Variants in ST6GALNAC3 observed in about 807,000 individuals in gnomAD.
ST6GALNAC3 encodes ST6 N-acetylgalactosaminide alpha-2,6-sialyltransferase 3, also known as alpha-N-acetylgalactosaminide alpha-2,6-sialyltransferase 3.
Under a neutral mutation model 32.7 loss-of-function variants are expected in ST6GALNAC3, and 25 were observed. The observed-to-expected ratio is 0.76, with a 90% confidence interval of 0.56 to 1.07. The LOEUF is 1.07. Ranked by LOEUF, ST6GALNAC3 falls within the 50% of genes least tolerant of loss-of-function variation. ST6GALNAC3 has a pLI of 0.00. For synonymous variants in ST6GALNAC3, 129 were observed against 133.1 expected (o/e 0.97, Z 0.21); for missense variants, 355 against 382.4 (o/e 0.93, Z 0.60).
chr1:76,165,559 T>C (rs1352106550), intron 1 of ST6GALNAC3, among the ~76,000 whole-genome samples: 1 of 152,204 alleles, frequency 6.6e-6, no homozygotes, highest in African/African-American at 2.4e-5. Context: ...CTAGGTCAAA[T>C]GGTATTTCTG....
rs962718582 is a variant in ST6GALNAC3 at position 76,260,437 on chromosome 1, A to G, written c.19-53368A>G. Among the ~76,000 whole-genome samples, 6 of 152,184 alleles carry G rather than the reference A, an allele frequency of 3.9e-5. No homozygotes were observed. The East Asian group carries it at 1.2e-3, about 29-fold the overall frequency. ...TAAAGTAATAGTCCCCAGTTATTGAACACTTGCTATGTACAGGGTACTGTG... is the reference window on the plus strand; with the variant it reads ...TAAAGTAATAGTCCCCAGTTATTGAGCACTTGCTATGTACAGGGTACTGTG... On this transcript the variant is annotated intron_variant, in intron 1 of 4. Coordinates refer to ENST00000328299, the MANE Select transcript of ST6GALNAC3 (RefSeq NM_152996.4).
chr1:76,251,145 C>G (rs997349854), intron 1 of ST6GALNAC3, among the ~76,000 whole-genome samples: 8 of 152,086 alleles, frequency 5.3e-5, no homozygotes, highest in African/African-American at 1.9e-4. Flanking sequence ...CTCCTCTGAT[C>G]ATGGCTAAAC....
chr1:76,574,410 A>G (rs1022638932), intron 3 of ST6GALNAC3, among the ~76,000 whole-genome samples: 9 of 152,018 alleles, frequency 5.9e-5, no homozygotes, highest in African/African-American at 2.2e-4. Flanking sequence ...TAAATGGTCT[A>G]CCTTCTCTAT....
At chr1:76,186,870 C>G (rs1026206169) in intron 1 of ST6GALNAC3, among the ~76,000 whole-genome samples, 5 of 152,134 alleles carry the variant, frequency 3.3e-5, no homozygotes, top group African/African-American at 9.7e-5. Context: ...TATTTAGGTT[C>G]TAAATTACCC....
At chr1:76,350,323 A>G (rs1648872632) in intron 2 of ST6GALNAC3, among the ~76,000 whole-genome samples, 1 of 152,170 alleles carries the variant, frequency 6.6e-6, no homozygotes, top group Non-Finnish European at 1.5e-5. Context: ...CACTGTCCCT[A>G]GCACAAAATC....
chr1:76,276,237 C>T (rs543722645), intron 1 of ST6GALNAC3, among the ~76,000 whole-genome samples: 4 of 151,422 alleles, frequency 2.6e-5, no homozygotes, highest in South Asian at 2.1e-4. Flanking sequence ...AAATATAATG[C>T]GATTTCATAG....
At chr1:76,269,455 A>AT (rs887940583) in intron 1 of ST6GALNAC3, among the ~76,000 whole-genome samples, 33 of 152,276 alleles carry the variant, frequency 2.2e-4, no homozygotes, top group Middle Eastern at 3.4e-3. Flanking sequence ...AAATTTTCAG[A>AT]TTTTTCAAGA....
At chr1:76,463,087 A>C (rs1232070909) in intron 3 of ST6GALNAC3, among the ~76,000 whole-genome samples, 1 of 152,200 alleles carries the variant, frequency 6.6e-6, no homozygotes, top group African/African-American at 2.4e-5. Flanking sequence ...ATCCCAGTGC[A>C]ATTATTTTAA....
intron 1 of ST6GALNAC3, among the ~76,000 whole-genome samples, chr1:76,232,824 G>A (rs993678531): frequency 2.0e-5 from 3 of 152,198 alleles, no homozygotes; most frequent in Non-Finnish European, 4.4e-5. Context: ...TGCAGGAGCC[G>A]GTCAAGTAGA....
At chr1:76,441,555 G>T (rs2101508473) in intron 3 of ST6GALNAC3, among the ~76,000 whole-genome samples, 1 of 152,278 alleles carries the variant, frequency 6.6e-6, no homozygotes, top group South Asian at 2.1e-4. Context: ...GGCATGCAAT[G>T]TAACGTAATT....
chr1:76,166,940 G>T (rs1362263694), intron 1 of ST6GALNAC3, among the ~76,000 whole-genome samples: 1 of 152,036 alleles, frequency 6.6e-6, no homozygotes. Flanking sequence ...GGATCATCTT[G>T]TCTACAAACA....
chr1:76,307,909 C>A (rs1661160508), intron 1 of ST6GALNAC3: 1 of 515,884 alleles, frequency 1.9e-6, no homozygotes, highest in Non-Finnish European at 3.9e-6. Flanking sequence ...CCTATGAAGT[C>A]TGATAAATGA....
chr1:76,629,623 C>T lies in ST6GALNAC3; in HGVS notation c.*817C>T. On this transcript the variant is annotated 3_prime_UTR_variant, in exon 5 of 5. Transcript: ENST00000328299. ...TACTTAACATGTAAGATACCAACTT[C>T]AACACTGTAATAACATATACTGTGA... The T allele has an allele frequency of 1.0e-6, 1 of 984,704 alleles. No individual in the cohort carries two copies. The highest frequency in any genetic ancestry group is 1.2e-6 in the Non-Finnish European group (1 of 829,008). The allele number at this position is 984,704 out of a possible 1,614,324, so 61.0% of individuals were successfully genotyped here. A position where few individuals can be genotyped will look rare whatever the true frequency, so the allele number is the denominator to read the frequency against.
intron 2 of ST6GALNAC3, among the ~76,000 whole-genome samples, chr1:76,380,850 C>T: frequency 6.6e-6 from 1 of 152,164 alleles, no homozygotes. Flanking sequence ...CTGAACCTTT[C>T]TATAATGAGA....
chr1:76,291,034 G>T (rs1660051543), intron 1 of ST6GALNAC3, among the ~76,000 whole-genome samples: 1 of 152,234 alleles, frequency 6.6e-6, no homozygotes, highest in South Asian at 2.1e-4. Flanking sequence ...TATTAAGGAA[G>T]TAGGTACTAA....
In ST6GALNAC3 at chr1:76,525,771, T is replaced by TTGTG. The variant is rs1167452856; in HGVS notation, c.624-101663_624-101660dup. Among the ~76,000 whole-genome samples, 156 of 93,048 alleles carry TTGTG rather than the reference T, an allele frequency of 1.7e-3. 5 individuals carry two copies. The highest frequency in any genetic ancestry group is 5.8e-3 in the East Asian group (13 of 2,254). The allele number at this position is 93,048 out of a possible 152,430, so 61.0% of individuals were successfully genotyped here. A position where few individuals can be genotyped will look rare whatever the true frequency, so the allele number is the denominator to read the frequency against. ...TATGTGTATATATGTGTATGTGTGT[T>TTGTG]TGTGTGTGTGTGTGTGTGTGTATAT... is the stretch of plus-strand genomic sequence containing the variant. On this transcript the variant is annotated intron_variant, in intron 3 of 4. Coordinates refer to ENST00000328299, the MANE Select transcript of ST6GALNAC3 (RefSeq NM_152996.4).
At chr1:76,240,291 T>A in intron 1 of ST6GALNAC3, among the ~76,000 whole-genome samples, 1 of 152,328 alleles carries the variant, frequency 6.6e-6, no homozygotes, top group South Asian at 2.1e-4. Flanking sequence ...GCCTGTCTCT[T>A]CTCCTCTTTC....
Position 76,610,789 on chromosome 1 carries a change from C to T in ST6GALNAC3, c.624-16663C>T, listed in dbSNP as rs76385115. ...CAATATTATTATAGTCAAAATACTT[C>T]ACACAATTAAGGGTTTAGGCATGAA... On this transcript the variant is annotated intron_variant, in intron 3 of 4. Coordinates refer to ENST00000328299, the MANE Select transcript of ST6GALNAC3 (RefSeq NM_152996.4). 6.7e-3 allele frequency among the ~76,000 whole-genome samples: 1,019 copies of T among 152,186 alleles called. 9 individuals are homozygous for T. The highest frequency in any genetic ancestry group is 0.012 in the South Asian group (60 of 4,818).
At chr1:76,398,029 C>T (rs1653112423) in intron 2 of ST6GALNAC3, among the ~76,000 whole-genome samples, 1 of 152,026 alleles carries the variant, frequency 6.6e-6, no homozygotes, top group Non-Finnish European at 1.5e-5. Context: ...GTAGAGCTTC[C>T]AGAACAGTGT....
Sources: allele counts gnomAD v4.1 joint callset (sites outside exome capture counted in the v4.1 genomes callset), GRCh38; gene constraint gnomAD v4.1.1; transcripts MANE v1.5; gene names NCBI Gene and HGNC (gene_info 2026-07-23, HGNC 2026-07-21).